Variants in ARNT2 observed in about 807,000 individuals in gnomAD.
ARNT2 encodes the protein aryl hydrocarbon receptor nuclear translocator 2, also known as ARNT protein 2.
In ARNT2, 36 loss-of-function variants were observed where a neutral mutation model predicts 91.7. The observed-to-expected ratio is 0.39, with a 90% CI of 0.30 to 0.52. The LOEUF is 0.52. Ranked by LOEUF, ARNT2 falls within the 20% of genes least tolerant of loss-of-function variation. ARNT2 has a pLI of 0.72. For synonymous variants in ARNT2, 365 were observed against 347.1 expected, an observed-to-expected ratio of 1.05 and a Z score of -0.57; for missense variants, 775 against 939.3, an observed-to-expected ratio of 0.83 and a Z score of 2.29.
intron 8 of ARNT2, among the ~76,000 whole-genome samples, chr15:80,545,529 G>A (rs1011299064): frequency 6.6e-6 from 1 of 152,204 alleles, no homozygotes; most frequent in African/African-American, 2.4e-5. Flanking sequence ...AGACGACAGG[G>A]TAGAGAGGAG....
intron 11 of ARNT2, 129 bp downstream of exon 11, chr15:80,555,268 C>G (rs925382610): frequency 1.1e-6 from 1 of 884,432 alleles, no homozygotes; most frequent in African/African-American, 1.7e-5. Flanking sequence ...CACTCAGGGC[C>G]CCTGCTAGGA....
At chr15:80,514,149 T>G (rs1897390785) in intron 7 of ARNT2, among the ~76,000 whole-genome samples, 171 bp from the exon 8 acceptor site, 2 of 152,106 alleles carry the variant, frequency 1.3e-5, no homozygotes, top group Admixed American at 1.3e-4. Flanking sequence ...GTGGAATTTA[T>G]TTTTGATTTT....
intron 8 of ARNT2, among the ~76,000 whole-genome samples, chr15:80,527,985 A>G (rs1438574329): frequency 6.6e-6 from 1 of 152,176 alleles, no homozygotes; most frequent in Non-Finnish European, 1.5e-5. Flanking sequence ...GTTTTAAATT[A>G]TTCTTCTGGA....
intron 6 of ARNT2, among the ~76,000 whole-genome samples, chr15:80,508,737 G>A (rs920623318): frequency 6.6e-6 from 1 of 152,214 alleles, no homozygotes; most frequent in African/African-American, 2.4e-5. Flanking sequence ...GTGCCTTGAG[G>A]ATGAAGGCTT....
intron 8 of ARNT2, among the ~76,000 whole-genome samples, chr15:80,514,843 G>A (rs549251546): frequency 2.0e-4 from 31 of 152,148 alleles, no homozygotes; most frequent in Non-Finnish European, 3.2e-4. Flanking sequence ...CCAAGATTTC[G>A]CCACTGTATT....
intron 17 of ARNT2, among the ~76,000 whole-genome samples, chr15:80,582,328 CAAA>C (rs537139420): frequency 3.0e-5 from 2 of 66,784 alleles, no homozygotes; most frequent in Admixed American, 1.7e-4. Flanking sequence ...CCTGTCTCTA[CAAA>C]AAAAAAAAAA....
At position 80,596,208 on chromosome 15, in the gene ARNT2, T is replaced by G. The variant is rs1893372685; in HGVS notation, c.*2510T>G. 6.6e-6 allele frequency: 1 copy of G among 152,150 alleles called. No homozygotes were observed. The highest frequency in any genetic ancestry group is 1.5e-5 in the Non-Finnish European group (1 of 68,044). 9.4% of individuals were successfully genotyped at this position (152,150 alleles called of 1,614,324 possible). A position where few individuals can be genotyped will look rare whatever the true frequency, so the allele number is the denominator to read the frequency against. On this transcript the variant is annotated 3_prime_UTR_variant, in exon 19 of 19. Transcript: ENST00000303329. ...GGGTCCAGGGTGCAGTGAACTCAGT[T>G]CTTGGCCCTTGGGTGAGGATTCATG...
rs188406601 is a variant in ARNT2, at chr15:80,527,966, A to G, written c.877+13561A>G. Among the ~76,000 whole-genome samples the G allele has an allele frequency of 1.7e-3, 255 of 152,252 alleles. 1 individual carries two copies. Among genetic ancestry groups the G allele is most frequent in the African/African-American group, 5.3e-3 (220 of 41,536 alleles). On this transcript the variant is annotated intron_variant, in intron 8 of 18. Coordinates refer to ENST00000303329, the MANE Select transcript of ARNT2 (RefSeq NM_014862.4). ...TTCCTGGGAGTTTGTAGCCTTCCCT[A>G]CACTGAAGGTTTTAAATTATTCTTC...
chr15:80,482,388 A>G (rs1358494057), intron 5 of ARNT2, among the ~76,000 whole-genome samples: 1 of 151,900 alleles, frequency 6.6e-6, no homozygotes, highest in Non-Finnish European at 1.5e-5. Context: ...AAGGGTTGAG[A>G]ACCATTTGTT....
Position 80,501,542 on chromosome 15 carries a change from G to A in ARNT2, c.623-6614G>A, listed in dbSNP as rs1193452262. Reference sequence around the variant, plus strand: ...AAAATTAAGGAGAAAAACAAGAATAGCAAGTTATTCAATCTTGTAGCCTGA... The same window carrying A: ...AAAATTAAGGAGAAAAACAAGAATAACAAGTTATTCAATCTTGTAGCCTGA... On this transcript the variant is annotated intron_variant, in intron 5 of 18. Coordinates refer to ENST00000303329, the MANE Select transcript of ARNT2 (RefSeq NM_014862.4). 3.9e-5 allele frequency among the ~76,000 whole-genome samples: 6 copies of A among 152,330 alleles called. No individual in the cohort carries two copies. The South Asian group carries it at 1.2e-3, about 32-fold the overall frequency.
At chr15:80,559,179 C>A (rs1006374331) in intron 11 of ARNT2, among the ~76,000 whole-genome samples, 1 of 145,760 alleles carries the variant, frequency 6.9e-6, no homozygotes, top group African/African-American at 2.5e-5. Context: ...CTGTCAGAAC[C>A]GGTTGGTTTT....
intron 8 of ARNT2, among the ~76,000 whole-genome samples, chr15:80,520,564 A>AAAAT: frequency 2.0e-5 from 3 of 152,118 alleles, no homozygotes; most frequent in Middle Eastern, 6.8e-3. Context: ...ACCACAAAAA[A>AAAAT]AAATAAATAA....
chr15:80,527,554 G>A (rs1897658151), intron 8 of ARNT2, among the ~76,000 whole-genome samples: 1 of 152,224 alleles, frequency 6.6e-6, no homozygotes, highest in Admixed American at 6.5e-5. Flanking sequence ...ATGTAATGAT[G>A]ATTCCAGTTT....
At chr15:80,561,248 T>C (rs556556600) in intron 11 of ARNT2, among the ~76,000 whole-genome samples, 2 of 152,214 alleles carry the variant, frequency 1.3e-5, no homozygotes, top group South Asian at 2.1e-4. Context: ...TTCTAATCTA[T>C]GGTCACATTG....
At chr15:80,531,916 G>A (rs1596000975) in intron 8 of ARNT2, among the ~76,000 whole-genome samples, 1 of 152,258 alleles carries the variant, frequency 6.6e-6, no homozygotes, top group East Asian at 1.9e-4. Context: ...CTTGACCACA[G>A]CCCACACCCC....
intron 12 of ARNT2, among the ~76,000 whole-genome samples, chr15:80,570,828 T>C (rs1898570482): frequency 6.6e-6 from 1 of 152,160 alleles, no homozygotes; most frequent in Non-Finnish European, 1.5e-5. Context: ...GAGCAATCAG[T>C]CTGTCCCCGG....
At chr15:80,412,409 T>C (rs1444560495) in intron 1 of ARNT2, among the ~76,000 whole-genome samples, 3 of 152,224 alleles carry the variant, frequency 2.0e-5, no homozygotes, top group Non-Finnish European at 4.4e-5. Flanking sequence ...GTAAAAAATT[T>C]GGAAAATGCA....
chr15:80,583,097 G>A (rs771784390), intron 17 of ARNT2, among the ~76,000 whole-genome samples: 1 of 152,234 alleles, frequency 6.6e-6, no homozygotes, highest in Non-Finnish European at 1.5e-5. Context: ...CCCAGAGAAG[G>A]ACACAGTCCA....
chr15:80,410,344 G>A (rs1309589241), intron 1 of ARNT2, among the ~76,000 whole-genome samples: 2 of 152,176 alleles, frequency 1.3e-5, no homozygotes, highest in African/African-American at 2.4e-5. Flanking sequence ...AGTCAAGGAC[G>A]ATTCCCAGCT....
Sources: allele counts gnomAD v4.1 joint callset (sites outside exome capture counted in the v4.1 genomes callset), GRCh38; gene constraint gnomAD v4.1.1; transcripts MANE v1.5; gene names NCBI Gene and HGNC (gene_info 2026-07-23, HGNC 2026-07-21).